The following WDR73 variants were observed in gnomAD, a reference collection of about 807,000 sequenced individuals.
WDR73 encodes WD repeat domain 73.
A neutral mutation model predicts 38.2 loss-of-function variants in WDR73; 30 were observed. The ratio of observed to expected loss-of-function variants is 0.79; its 90% CI spans 0.59 to 1.06. The LOEUF (loss-of-function observed/expected upper bound fraction) is 1.06. Ranked by LOEUF, WDR73 falls within the 50% of genes least tolerant of loss-of-function variation. The probability of loss-of-function intolerance (pLI) is 0.00; values close to 1 mark genes in which losing one functional copy is unlikely to be tolerated. For missense variants in WDR73, 487 were observed against 467.0 expected (o/e 1.04, Z -0.40); for synonymous variants, 197 against 176.0 (o/e 1.12, Z -0.94).
rs2141832832 is a variant in WDR73 at position 84,643,206 on chromosome 15, A to G, written c.*264T>C. 1.6e-5 allele frequency: 8 copies of G among 486,022 alleles called. No homozygotes were observed. In the South Asian group the frequency reaches 2.2e-4, roughly 13 times the overall value. 30.1% of individuals were successfully genotyped at this position (486,022 alleles called of 1,614,324 possible). On this transcript the variant is annotated 3_prime_UTR_variant, in exon 8 of 8. Coordinates refer to ENST00000434634, the MANE Select transcript of WDR73 (RefSeq NM_032856.5). Reference sequence around the variant, plus strand: ...AGTGTGAAGACAGGGACAAAACGCTACCATTTCACACTCCCAGATCTAACA... The same window carrying G: ...AGTGTGAAGACAGGGACAAAACGCTGCCATTTCACACTCCCAGATCTAACA...
intron 4 of WDR73, 126 bp downstream of exon 4, chr15:84,648,411 G>T (rs1896529108): frequency 1.4e-6 from 1 of 706,976 alleles, no homozygotes; most frequent in Non-Finnish European, 2.5e-6. Context: ...GCACACACTT[G>T]TGCACTCACA....
rs368845592 is a variant in WDR73 at position 84,645,622 on chromosome 15, A to C, written c.732T>G (p.Leu244=). 3.9e-5 allele frequency: 63 copies of C among 1,609,184 alleles called. No homozygotes were observed. The African/African-American group carries it at 7.3e-4, about 19-fold the overall frequency. ...GQGPGPSIAS[L]GSDGRLCLLD... is the part of the protein sequence containing the mutation. Reference sequence around the variant, plus strand: ...GAAGACAAAGACGCCCATCTGAGCCAAGGCTGGCAATGCTGGGCCCAGGGC... The same window carrying C: ...GAAGACAAAGACGCCCATCTGAGCCCAGGCTGGCAATGCTGGGCCCAGGGC... The change falls in exon 7 of 8, where the codon CTT becomes CTG. Residue 244 remains leucine (L), a synonymous_variant. Transcript: ENST00000434634.
intron 5 of WDR73, 117 bp from the exon 6 acceptor site, chr15:84,646,465 G>A: frequency 6.8e-7 from 1 of 1,461,530 alleles, no homozygotes; most frequent in Admixed American, 2.4e-5. Context: ...GGAGCTGCCG[G>A]CTGGCAAGAG....
intron 3 of WDR73, among the ~76,000 whole-genome samples, chr15:84,650,743 C>T (rs955067061): frequency 5.9e-5 from 9 of 152,170 alleles, no homozygotes; most frequent in Non-Finnish European, 1.0e-4. Context: ...GATCTGCCCA[C>T]GTTGGTCTCC....
intron 2 of WDR73, 159 bp downstream of exon 2, chr15:84,653,473 G>T (rs552356268): frequency 1.7e-6 from 1 of 588,464 alleles, no homozygotes. Context: ...CCCGGTCAGA[G>T]ATCTTAATAA....
intron 6 of WDR73, 69 bp downstream of exon 6, chr15:84,646,115 T>C (rs1256216358): frequency 3.7e-6 from 6 of 1,605,438 alleles, no homozygotes; most frequent in Middle Eastern, 1.6e-4. Flanking sequence ...TCAGTTTTTA[T>C]AGTGGCTGAG....
rs1288005481 is a variant in WDR73 at position 84,642,432 on chromosome 15, G to A, written c.*1038C>T. 9 of 152,090 alleles carry A rather than the reference G, an allele frequency of 5.9e-5. No individual in the cohort carries two copies. 9.4% of individuals were successfully genotyped at this position (152,090 alleles called of 1,614,324 possible). A position where few individuals can be genotyped will look rare whatever the true frequency, so the allele number is the denominator to read the frequency against. ...ATGTAATTAGTGTTGCACATGGGAA[G>A]GGCTAATAGATGCTGACAGAGTGAA... On this transcript the variant is annotated 3_prime_UTR_variant, in exon 8 of 8. Transcript: ENST00000434634.
intron 3 of WDR73, among the ~76,000 whole-genome samples, chr15:84,649,960 T>C (rs555702158): frequency 6.6e-6 from 1 of 152,248 alleles, no homozygotes; most frequent in East Asian, 1.9e-4. Flanking sequence ...TAATTCAGTA[T>C]GTTTGGGAAG....
chr15:84,652,199 C>G (rs35516100), intron 3 of WDR73, among the ~76,000 whole-genome samples: 1 of 152,138 alleles, frequency 6.6e-6, no homozygotes. Context: ...TATTGGAACT[C>G]TAGACAGCTA....
In WDR73 at chr15:84,641,190, C is replaced by G. The variant is rs1049236039; in HGVS notation, c.*2280G>C. ...TCCCCAGCCAGATGGGGTCACAATG[C>G]TGCAGAAAAGTGAAGAGCTTTGGAA... On this transcript the variant is annotated 3_prime_UTR_variant, in exon 8 of 8. Transcript: ENST00000434634. 6.6e-6 allele frequency: 1 copy of G among 150,788 alleles called. No individual in the cohort carries two copies. The highest frequency in any genetic ancestry group is 1.5e-5 in the Non-Finnish European group (1 of 68,032). The allele number at this position is 150,788 out of a possible 1,614,324, so 9.3% of individuals were successfully genotyped here.
chr15:84,647,270 G>C (rs1445403313), intron 5 of WDR73: 3 of 152,478 alleles, frequency 2.0e-5, no homozygotes, highest in Non-Finnish European at 2.9e-5. Context: ...TACATCTGAG[G>C]CTTCTCTTAA....
chr15:84,647,643 C>A, intron 5 of WDR73: 1 of 492,836 alleles, frequency 2.0e-6, no homozygotes, highest in Non-Finnish European at 3.7e-6. Context: ...ATTACAGGTG[C>A]CTACCACCAT....
chr15:84,654,014 C>A, intron 1 of WDR73: 2 of 628,272 alleles, frequency 3.2e-6, no homozygotes, highest in Non-Finnish European at 5.6e-6. Context: ...TCTTCACAAG[C>A]GCGGCTCTTA....
intron 5 of WDR73, chr15:84,647,647 C>A (rs1896504280): frequency 2.0e-6 from 1 of 501,594 alleles, no homozygotes; most frequent in African/African-American, 1.9e-5. Flanking sequence ...CAGGTGCCTA[C>A]CACCATGCCC....
rs1019079935 is a variant in WDR73 at position 84,647,795 on chromosome 15, T to G, written c.352+95A>C. The G allele has an allele frequency of 8.1e-6, 10 of 1,237,356 alleles. No individual in the cohort carries two copies. In the African/African-American group the frequency reaches 1.5e-4, roughly 18 times the overall value. The allele number at this position is 1,237,356 out of a possible 1,614,324, so 76.6% of individuals were successfully genotyped here. A position where few individuals can be genotyped will look rare whatever the true frequency, so the allele number is the denominator to read the frequency against. ...TACAGGCATGAGACTGTCCCCAGCC[T>G]GAGTCTCCTTCTTAACTGGCTCAGA... On this transcript the variant is annotated intron_variant, in intron 5 of 7. Transcript: ENST00000434634.
rs201991585 is a variant in WDR73, at chr15:84,642,345, CAAAAAAA to C, written c.*1118_*1124del. 54,451 of 119,802 alleles carry C rather than the reference CAAAAAAA, an allele frequency of 0.45. 10,318 individuals carry two copies. The highest frequency in any genetic ancestry group is 0.53 in the South Asian group (2,150 of 4,046). 7.4% of individuals were successfully genotyped at this position (119,802 alleles called of 1,614,324 possible). On this transcript the variant is annotated 3_prime_UTR_variant, in exon 8 of 8. Coordinates refer to ENST00000434634, the MANE Select transcript of WDR73 (RefSeq NM_032856.5). ...ACAGAGCAAGACTCCATCTCTACTA[CAAAAAAA>C]AAAAAAAAAAAAATTCAACCACCTT...
At chr15:84,645,875 C>T (rs1470238718) in intron 6 of WDR73, 39 bp from the exon 7 acceptor site, 2 of 1,612,120 alleles carry the variant, frequency 1.2e-6, no homozygotes, top group African/African-American at 2.7e-5. Context: ...CGGCTGGAGG[C>T]AGATGGGTCT....
At position 84,643,403 on chromosome 15, in the gene WDR73, C is replaced by T. The variant is rs1033567738; in HGVS notation, c.*67G>A. 9.9e-5 allele frequency: 150 copies of T among 1,521,862 alleles called. No individual in the cohort carries two copies. Among genetic ancestry groups the T allele is most frequent in the Non-Finnish European group, 1.2e-4 (140 of 1,131,584 alleles). 94.3% of individuals were successfully genotyped at this position (1,521,862 alleles called of 1,614,324 possible). On this transcript the variant is annotated 3_prime_UTR_variant, in exon 8 of 8. Coordinates refer to ENST00000434634, the MANE Select transcript of WDR73 (RefSeq NM_032856.5). ...GGGACTGGTAGTCACTTGAGTCCTA[C>T]ATGAGCACCCTTGCTACTACAGCAG...
chr15:84,644,193 T>G (rs1896366189), intron 7 of WDR73: 1 of 159,258 alleles, frequency 6.3e-6, no homozygotes, highest in African/African-American at 2.4e-5. Context: ...TCAAACCTTT[T>G]CAAGTTGCCC....
Sources: gnomAD v4.1 joint callset for allele counts (sites outside exome capture counted in the v4.1 genomes callset) on GRCh38, gnomAD v4.1.1 for gene constraint, MANE v1.5 for transcripts, NCBI Gene and HGNC (gene_info 2026-07-23, HGNC 2026-07-21) for gene names.